MAML3: variants seen among roughly 807,000 people sequenced by gnomAD.
The protein encoded by MAML3 is mastermind-like protein 3.
MAML3 carries 27 observed loss-of-function variants against 101.9 expected under a neutral mutation model. That is an observed-to-expected ratio of 0.27 (90% CI 0.20 to 0.37). The LOEUF (loss-of-function observed/expected upper bound fraction) is 0.37. Among genes scored for constraint, MAML3 ranks in the 10% least tolerant of loss-of-function variants. The pLI, the probability that MAML3 is intolerant of heterozygous loss-of-function variation, is 1.00. For missense variants in MAML3, 1,316 were observed against 1,444.9 expected (o/e 0.91, Z 1.45); for synonymous variants, 501 against 555.9 (o/e 0.90, Z 1.39).
At chr4:139,922,736 T>C (rs1229128996) in intron 1 of MAML3, among the ~76,000 whole-genome samples, 1 of 152,204 alleles carries the variant, frequency 6.6e-6, no homozygotes, top group African/African-American at 2.4e-5. Context: ...TGTATGTGTC[T>C]GGCAACACAG....
At chr4:139,798,025 G>GGAGAGA (rs373492658) in intron 2 of MAML3, among the ~76,000 whole-genome samples, 3 of 128,744 alleles carry the variant, frequency 2.3e-5, no homozygotes, top group South Asian at 2.6e-4. Context: ...AGGAAAGAAA[G>GGAGAGA]GAGAGAGAGA....
At chr4:140,075,230 C>G (rs1727746576) in intron 1 of MAML3, among the ~76,000 whole-genome samples, 1 of 152,172 alleles carries the variant, frequency 6.6e-6, no homozygotes, top group Non-Finnish European at 1.5e-5. Flanking sequence ...ACATTGCTAG[C>G]AAGTGGCAGA....
At chr4:139,998,416 T>C (rs1322239012) in intron 1 of MAML3, among the ~76,000 whole-genome samples, 3 of 152,228 alleles carry the variant, frequency 2.0e-5, no homozygotes, top group Non-Finnish European at 4.4e-5. Flanking sequence ...TTCAGTATTG[T>C]TATACTTTCC....
intron 2 of MAML3, among the ~76,000 whole-genome samples, chr4:139,881,274 A>G (rs1732213767): frequency 6.6e-6 from 1 of 152,204 alleles, no homozygotes; most frequent in African/African-American, 2.4e-5. Flanking sequence ...AGGCCTAGCC[A>G]GAGTGGGTTG....
chr4:139,920,107 T>C (rs947666925), intron 1 of MAML3, among the ~76,000 whole-genome samples: 3 of 152,268 alleles, frequency 2.0e-5, no homozygotes, highest in African/African-American at 7.2e-5. Flanking sequence ...TTACAAGCAC[T>C]GTTGTTCATA....
At chr4:139,788,513 C>A (rs1730346075) in intron 2 of MAML3, among the ~76,000 whole-genome samples, 1 of 152,192 alleles carries the variant, frequency 6.6e-6, no homozygotes, top group Non-Finnish European at 1.5e-5. Context: ...TCACATCTGA[C>A]AGAATGAAAT....
intron 1 of MAML3, among the ~76,000 whole-genome samples, chr4:140,003,208 G>T (rs1560863284): frequency 6.6e-6 from 1 of 152,200 alleles, no homozygotes; most frequent in Non-Finnish European, 1.5e-5. Context: ...CCCCAGGCCA[G>T]TTCTGCTTTT....
intron 1 of MAML3, among the ~76,000 whole-genome samples, chr4:140,050,835 T>C (rs1226947238): frequency 6.6e-6 from 1 of 152,194 alleles, no homozygotes; most frequent in Non-Finnish European, 1.5e-5. Context: ...TTGAAATTAC[T>C]TGTTAATCCT....
intron 2 of MAML3, among the ~76,000 whole-genome samples, chr4:139,801,113 G>A (rs1186374625): frequency 6.6e-6 from 1 of 152,182 alleles, no homozygotes; most frequent in East Asian, 1.9e-4. Flanking sequence ...AGCTCCCTAT[G>A]GGATGTGCCA....
intron 2 of MAML3, among the ~76,000 whole-genome samples, chr4:139,829,714 A>G (rs1390077746): frequency 3.3e-5 from 5 of 152,224 alleles, no homozygotes; most frequent in African/African-American, 9.7e-5. Context: ...GTGCTAGGAA[A>G]ATCTTGTCTG....
intron 2 of MAML3, among the ~76,000 whole-genome samples, chr4:139,826,774 T>C (rs775407946): frequency 1.1e-4 from 17 of 152,140 alleles, no homozygotes; most frequent in Non-Finnish European, 1.5e-4. Context: ...TCCACAAATG[T>C]GGTTTGTTGC....
intron 1 of MAML3, among the ~76,000 whole-genome samples, chr4:139,908,838 T>G (rs978751050): frequency 1.3e-5 from 2 of 152,214 alleles, no homozygotes; most frequent in Non-Finnish European, 2.9e-5. Context: ...CTATCTGAGA[T>G]TCGCAGAGAA....
At chr4:139,794,199 C>T (rs533960741) in intron 2 of MAML3, 1 of 152,262 alleles carries the variant, frequency 6.6e-6, no homozygotes, top group East Asian at 1.9e-4. Context: ...ATAAGATGAA[C>T]CAGAACACCA....
intron 1 of MAML3, among the ~76,000 whole-genome samples, chr4:140,011,334 C>CTGG (rs1726556818): frequency 2.5e-5 from 2 of 81,016 alleles, no homozygotes; most frequent in Non-Finnish European, 3.0e-5. Flanking sequence ...TCAAGGTTTT[C>CTGG]TTGTTTTGTT....
At chr4:139,814,909 T>C (rs1232866244) in intron 2 of MAML3, among the ~76,000 whole-genome samples, 1 of 152,212 alleles carries the variant, frequency 6.6e-6, no homozygotes, top group African/African-American at 2.4e-5. Flanking sequence ...GAGAGTTTTA[T>C]ATGCTATTTC....
At chr4:139,950,998 G>A (rs1017715412) in intron 1 of MAML3, among the ~76,000 whole-genome samples, 2 of 152,202 alleles carry the variant, frequency 1.3e-5, no homozygotes, top group Non-Finnish European at 2.9e-5. Flanking sequence ...CTGTCTGCAC[G>A]TGGGTTTGAT....
chr4:139,938,634 C>A (rs984566137), intron 1 of MAML3, among the ~76,000 whole-genome samples: 8 of 152,054 alleles, frequency 5.3e-5, no homozygotes, highest in African/African-American at 1.7e-4. Flanking sequence ...CTGCTGCATT[C>A]TGAAAAAATG....
chr4:139,949,743 T>C (rs1733801360), intron 1 of MAML3, among the ~76,000 whole-genome samples: 1 of 152,244 alleles, frequency 6.6e-6, no homozygotes, highest in Admixed American at 6.5e-5. Flanking sequence ...TTCCTTGAAT[T>C]CCTCATGTGA....
chr4:139,813,504 C>T (rs1407380309), intron 2 of MAML3, among the ~76,000 whole-genome samples: 4 of 152,164 alleles, frequency 2.6e-5, no homozygotes, highest in East Asian at 1.9e-4. Flanking sequence ...ATGCATGAAG[C>T]GCTTCAAAAT....
Sources: allele counts gnomAD v4.1 joint callset (sites outside exome capture counted in the v4.1 genomes callset), GRCh38; gene constraint gnomAD v4.1.1; transcripts MANE v1.5; gene names NCBI Gene and HGNC (gene_info 2026-07-23, HGNC 2026-07-21).